NAV3: variants seen among roughly 807,000 people sequenced by gnomAD.
The protein encoded by NAV3 is neuron navigator 3.
NAV3 carries 87 observed loss-of-function variants against 244.7 expected under a neutral mutation model. That is an observed-to-expected ratio of 0.36 (90% CI 0.30 to 0.42). NAV3 has a LOEUF of 0.42. Among genes scored for constraint, NAV3 ranks in the 20% least tolerant of loss-of-function variants. NAV3 has a pLI of 1.00. For missense variants in NAV3, 2,663 were observed against 2,893.3 expected, an observed-to-expected ratio of 0.92 and a Z score of 1.83; for synonymous variants, 1,126 against 1,042.2, an observed-to-expected ratio of 1.08 and a Z score of -1.55.
At chr12:77,849,968 G>A (rs1592776015) in intron 1 of NAV3, among the ~76,000 whole-genome samples, 1 of 152,106 alleles carries the variant, frequency 6.6e-6, no homozygotes, top group African/African-American at 2.4e-5. Context: ...ATTGAAGTGG[G>A]TTATCTCAAA....
intron 33 of NAV3, 47 bp from the exon 34 acceptor site, chr12:78,189,937 C>T: frequency 7.2e-7 from 1 of 1,383,474 alleles, no homozygotes; most frequent in South Asian, 1.2e-5. Flanking sequence ...TAAATTCTAG[C>T]TTATGTAGAA....
intron 2 of NAV3, among the ~76,000 whole-genome samples, chr12:77,810,696 T>A (rs1038627861): frequency 2.0e-5 from 3 of 152,198 alleles, no homozygotes; most frequent in Non-Finnish European, 2.9e-5. Context: ...CTAAGATATT[T>A]TAGTTAAAAT....
chr12:77,904,195 A>G lies in NAV3; in HGVS notation c.244-36124A>G, dbSNP rs185164417. Among the ~76,000 whole-genome samples, 31 of 152,320 alleles carry G rather than the reference A, an allele frequency of 2.0e-4. No homozygotes were observed. In the East Asian group the frequency reaches 4.4e-3, roughly 22 times the overall value. ...TGCTGCTATAAAGACACATGCACACATATGTTTATTGTGGCACTATTCACA... is the reference window on the plus strand; with the variant it reads ...TGCTGCTATAAAGACACATGCACACGTATGTTTATTGTGGCACTATTCACA... On this transcript the variant is annotated intron_variant, in intron 1 of 39. Coordinates refer to ENST00000397909, the MANE Select transcript of NAV3 (RefSeq NM_001024383.2).
intron 2 of NAV3, among the ~76,000 whole-genome samples, chr12:77,686,577 A>G (rs1874762668): frequency 6.6e-6 from 1 of 152,042 alleles, no homozygotes; most frequent in African/African-American, 2.4e-5. Flanking sequence ...TTAAGCCTCA[A>G]TCAATGATGC....
intron 12 of NAV3, among the ~76,000 whole-genome samples, chr12:78,101,218 C>T (rs529925637): frequency 9.9e-5 from 15 of 152,272 alleles, no homozygotes; most frequent in Admixed American, 4.6e-4. Context: ...CTGCTTCCCC[C>T]ACCATAAACT....
chr12:77,614,933 G>A (rs1231037790), intron 2 of NAV3, among the ~76,000 whole-genome samples: 9 of 152,142 alleles, frequency 5.9e-5, no homozygotes, highest in African/African-American at 2.2e-4. Flanking sequence ...ATGGAGAGGT[G>A]GTAGCAACAT....
chr12:78,138,037 TTTCTC>T (rs1182047710), intron 19 of NAV3, among the ~76,000 whole-genome samples: 1 of 152,092 alleles, frequency 6.6e-6, no homozygotes, highest in Non-Finnish European at 1.5e-5. Context: ...TTGAGAGACT[TTTCTC>T]TTTGATTTAA....
intron 2 of NAV3, among the ~76,000 whole-genome samples, chr12:77,682,511 A>G (rs577195216): frequency 2.0e-5 from 3 of 152,294 alleles, no homozygotes; most frequent in East Asian, 1.9e-4. Flanking sequence ...TCCTTTGGGT[A>G]TATATCCAGT....
At chr12:78,065,071 T>G (rs1371768762) in intron 12 of NAV3, among the ~76,000 whole-genome samples, 1 of 152,086 alleles carries the variant, frequency 6.6e-6, no homozygotes, top group Non-Finnish European at 1.5e-5. Flanking sequence ...CATGGTTATA[T>G]AAAGCAGGAG....
chr12:77,922,306 T>A (rs1887789039), intron 1 of NAV3, among the ~76,000 whole-genome samples: 1 of 152,132 alleles, frequency 6.6e-6, no homozygotes, highest in Non-Finnish European at 1.5e-5. Context: ...TTTGTTTAAT[T>A]TTTGAACTTT....
chr12:77,941,628 C>T (rs1196445223), intron 3 of NAV3, among the ~76,000 whole-genome samples: 3 of 152,266 alleles, frequency 2.0e-5, no homozygotes, highest in Admixed American at 6.5e-5. Flanking sequence ...AGATATGATT[C>T]GTAGTCTCTT....
At chr12:77,986,988 G>T (rs1870628704) in intron 5 of NAV3, among the ~76,000 whole-genome samples, 1 of 152,070 alleles carries the variant, frequency 6.6e-6, no homozygotes, top group South Asian at 2.1e-4. Flanking sequence ...AATTTTAAAT[G>T]ATAATATTTG....
intron 9 of NAV3, among the ~76,000 whole-genome samples, chr12:78,030,192 G>A (rs953069176): frequency 2.0e-5 from 3 of 152,174 alleles, no homozygotes; most frequent in Non-Finnish European, 4.4e-5. Flanking sequence ...TATTAAGCCT[G>A]TAATAGAATA....
At chr12:78,210,214 T>G (rs1960759881) in intron 39 of NAV3, among the ~76,000 whole-genome samples, 184 bp from the exon 40 acceptor site, 1 of 152,132 alleles carries the variant, frequency 6.6e-6, no homozygotes, top group African/African-American at 2.4e-5. Context: ...TGGTTTGGTG[T>G]TGTAGTCATG....
chr12:77,691,329 G>GTATATA (rs1350161105), intron 2 of NAV3, among the ~76,000 whole-genome samples: 5,586 of 66,538 alleles, frequency 0.084, 813 homozygotes, highest in East Asian at 0.14. Context: ...AAGTATTTGT[G>GTATATA]TATGTGTGTA....
chr12:77,600,532 A>G (rs889413639), intron 2 of NAV3, among the ~76,000 whole-genome samples: 1 of 151,994 alleles, frequency 6.6e-6, no homozygotes, highest in Non-Finnish European at 1.5e-5. Flanking sequence ...GCCACATTGT[A>G]TATATGGTCT....
chr12:78,196,348 A>G (rs1190342806), intron 34 of NAV3, among the ~76,000 whole-genome samples: 1 of 151,996 alleles, frequency 6.6e-6, no homozygotes. Flanking sequence ...CAGTGGTGTT[A>G]CAGACAGAGA....
intron 2 of NAV3, among the ~76,000 whole-genome samples, chr12:77,726,441 G>A (rs1415958325): frequency 1.3e-5 from 2 of 151,890 alleles, no homozygotes; most frequent in Non-Finnish European, 2.9e-5. Context: ...ATAAGACAAA[G>A]TTTCTGCCTT....
intron 9 of NAV3, among the ~76,000 whole-genome samples, chr12:78,035,763 T>C (rs537256178): frequency 1.3e-5 from 2 of 152,346 alleles, no homozygotes; most frequent in South Asian, 4.1e-4. Flanking sequence ...TAAGAAATCT[T>C]TATCATCACA....
Sources: allele counts gnomAD v4.1 joint callset (sites outside exome capture counted in the v4.1 genomes callset), GRCh38; gene constraint gnomAD v4.1.1; transcripts MANE v1.5; gene names NCBI Gene and HGNC (gene_info 2026-07-23, HGNC 2026-07-21).